The following EYA1 variants were observed in gnomAD, a reference collection of about 807,000 sequenced individuals.
EYA1 encodes protein phosphatase EYA1.
Under a neutral mutation model 82.0 loss-of-function variants are expected in EYA1, and 16 were observed. The ratio of observed to expected loss-of-function variants is 0.20; its 90% confidence interval spans 0.13 to 0.30. The LOEUF is 0.30. Among genes scored for constraint, EYA1 ranks in the 10% least tolerant of loss-of-function variants. EYA1 has a pLI of 1.00. For missense variants in EYA1, 633 were observed against 730.7 expected, an observed-to-expected ratio of 0.87 and a Z score of 1.54; for synonymous variants, 261 against 264.4, an observed-to-expected ratio of 0.99 and a Z score of 0.12.
chr8:71,307,688 C>T (rs893003687), intron 7 of EYA1, among the ~76,000 whole-genome samples: 9 of 152,070 alleles, frequency 5.9e-5, no homozygotes, highest in African/African-American at 2.2e-4. Context: ...GGATTTTTAC[C>T]TCATAAAATC....
intron 2 of EYA1, among the ~76,000 whole-genome samples, chr8:71,533,395 T>C (rs1458944271): frequency 6.6e-6 from 1 of 152,130 alleles, no homozygotes; most frequent in Non-Finnish European, 1.5e-5. Flanking sequence ...GCACAGGGAT[T>C]TACTCTAAAT....
intron 9 of EYA1, among the ~76,000 whole-genome samples, chr8:71,282,411 C>T (rs1355832117): frequency 6.6e-6 from 1 of 152,228 alleles, no homozygotes; most frequent in African/African-American, 2.4e-5. Context: ...ATCCCATTTT[C>T]TCTTGAACCC....
intron 4 of EYA1, among the ~76,000 whole-genome samples, chr8:71,327,801 C>T (rs887781643): frequency 7.3e-5 from 11 of 151,314 alleles, no homozygotes; most frequent in Non-Finnish European, 1.6e-4. Context: ...TTTATCCTCA[C>T]TGTCTATTTT....
chr8:71,356,711 TC>T, intron 1 of EYA1, 200 bp from the exon 2 acceptor site: 2 of 1,247,752 alleles, frequency 1.6e-6, no homozygotes, highest in Non-Finnish European at 2.0e-6. Flanking sequence ...TCTATCCTCC[TC>T]CTCCCCTTGT....
At chr8:71,457,485 A>T (rs950410670) in intron 2 of EYA1, among the ~76,000 whole-genome samples, 2 of 152,188 alleles carry the variant, frequency 1.3e-5, no homozygotes, top group African/African-American at 4.8e-5. Flanking sequence ...GGCACTTTTC[A>T]CAACAGCAAA....
At position 71,391,290 on chromosome 8, in the gene EYA1, T is replaced by G. The variant is rs527641540; in HGVS notation, c.34-34779A>C. 1.1e-4 allele frequency among the ~76,000 whole-genome samples: 16 copies of G among 152,282 alleles called. No homozygotes were observed. In the East Asian group the frequency reaches 2.7e-3, roughly 26 times the overall value. ...GAGCTACTGTACCCAGCCAAAAATT[T>G]TCTTCTTTTGTTAATAGCTTCCGTT... On this transcript the variant is annotated intron_variant, in intron 2 of 18. Transcript: ENST00000643681.
At chr8:71,507,605 C>A (rs1010091803) in intron 2 of EYA1, among the ~76,000 whole-genome samples, 1 of 152,122 alleles carries the variant, frequency 6.6e-6, no homozygotes, top group Non-Finnish European at 1.5e-5. Context: ...TCTGCAATAG[C>A]AAAAGATTGG....
intron 2 of EYA1, among the ~76,000 whole-genome samples, chr8:71,389,511 A>T (rs1829152010): frequency 6.6e-6 from 1 of 152,202 alleles, no homozygotes; most frequent in Non-Finnish European, 1.5e-5. Context: ...TGAGTTGGCA[A>T]AGCAGATTCT....
intron 2 of EYA1, among the ~76,000 whole-genome samples, chr8:71,472,749 G>A (rs1284730219): frequency 6.9e-6 from 1 of 144,048 alleles, no homozygotes; most frequent in Non-Finnish European, 1.5e-5. Context: ...TACCATGCAA[G>A]TATGTATTGA....
chr8:71,446,546 G>A (rs1302277914), intron 2 of EYA1, among the ~76,000 whole-genome samples: 1 of 152,066 alleles, frequency 6.6e-6, no homozygotes, highest in African/African-American at 2.4e-5. Flanking sequence ...CATAATATCC[G>A]TTACCTCAAG....
chr8:71,277,257 TCTCTCAAG>T (rs1466370411), intron 9 of EYA1, among the ~76,000 whole-genome samples: 2 of 150,524 alleles, frequency 1.3e-5, no homozygotes, highest in Admixed American at 6.7e-5. Flanking sequence ...GCAATATATA[TCTCTCAAG>T]CTCTCAAGCA....
In EYA1 at chr8:71,244,604, T is replaced by TCTA; in HGVS notation, c.1136_1138dup (p.Leu379_Glu380insVal). On this transcript the variant is annotated inframe_insertion and splice_region_variant, in exon 12 of 18. Coordinates refer to ENST00000340726, the MANE Select transcript of EYA1 (RefSeq NM_000503.6). ...TATGTATTAAAAATTAGAACTTACTTCTAAGTCATTAAAAAATAAATGTGT... is the reference window on the plus strand; with the variant it reads ...TATGTATTAAAAATTAGAACTTACTTCTACTAAGTCATTAAAAAATAAATGTGT... The TCTA allele has an allele frequency of 1.3e-6, 2 of 1,551,908 alleles. No individual in the cohort carries two copies. Among genetic ancestry groups the TCTA allele is most frequent in the Non-Finnish European group, 1.8e-6 (2 of 1,127,014 alleles).
In EYA1 at chr8:71,199,214, C is replaced by G; in HGVS notation, c.*126G>C. 1 of 721,010 alleles carries G rather than the reference C, an allele frequency of 1.4e-6. No individual in the cohort carries two copies. The highest frequency in any genetic ancestry group is 2.5e-6 in the Non-Finnish European group (1 of 403,474). The allele number at this position is 721,010 out of a possible 1,614,324, so 44.7% of individuals were successfully genotyped here. Reference sequence around the variant, plus strand: ...CCACAAAGGCAGAGGTCAAGACTGACAGCAACTGCGCATCACCAGGCGGAA... The same window carrying G: ...CCACAAAGGCAGAGGTCAAGACTGAGAGCAACTGCGCATCACCAGGCGGAA... On this transcript the variant is annotated 3_prime_UTR_variant, in exon 18 of 18. Coordinates refer to ENST00000340726, the MANE Select transcript of EYA1 (RefSeq NM_000503.6).
chr8:71,491,148 G>A (rs2129224621), intron 2 of EYA1, among the ~76,000 whole-genome samples: 1 of 152,266 alleles, frequency 6.6e-6, no homozygotes, highest in East Asian at 1.9e-4. Flanking sequence ...GCATCTGCAA[G>A]GCCATATGGC....
intron 12 of EYA1, among the ~76,000 whole-genome samples, chr8:71,223,301 G>C (rs533337983): frequency 6.6e-6 from 1 of 152,126 alleles, no homozygotes; most frequent in Non-Finnish European, 1.5e-5. Context: ...TTACCAGCCT[G>C]CAAACCTCTG....
intron 12 of EYA1, among the ~76,000 whole-genome samples, chr8:71,237,742 G>A (rs1329671844): frequency 1.3e-5 from 2 of 152,188 alleles, no homozygotes; most frequent in African/African-American, 2.4e-5. Flanking sequence ...GAAATTAGCA[G>A]TGAATATATT....
Position 71,492,111 on chromosome 8 carries a change from G to A in EYA1, c.33+43633C>T, listed in dbSNP as rs112487783. ...CGATGCCAGTCCATTAGCAGTGGCCGACTGACATCTCCTTTTAAAATGTAC... is the reference window on the plus strand; with the variant it reads ...CGATGCCAGTCCATTAGCAGTGGCCAACTGACATCTCCTTTTAAAATGTAC... On this transcript the variant is annotated intron_variant, in intron 2 of 18. Transcript: ENST00000643681. Among the ~76,000 whole-genome samples the A allele has an allele frequency of 3.5e-3, 533 of 152,236 alleles. 4 individuals are homozygous for A. The highest frequency in any genetic ancestry group is 0.012 in the African/African-American group (505 of 41,538).
In EYA1 at chr8:71,269,720, T is replaced by C; in HGVS notation, c.1050+20A>G. On this transcript the variant is annotated intron_variant, in intron 11 of 17. Transcript: ENST00000340726. ...TATTTACTCCAAAGAAATTAAAAAC[T>C]GATGCCTCTTGGTACTCACCCTCCC... 2 of 1,586,918 alleles carry C rather than the reference T, an allele frequency of 1.3e-6. No individual in the cohort carries two copies. The highest frequency in any genetic ancestry group is 1.3e-5 in the African/African-American group (1 of 74,518).
At chr8:71,275,806 C>T (rs1279195212) in intron 9 of EYA1, among the ~76,000 whole-genome samples, 1 of 152,230 alleles carries the variant, frequency 6.6e-6, no homozygotes, top group Non-Finnish European at 1.5e-5. Context: ...TAAACTGTTA[C>T]TGATGACCCT....
Sources: gnomAD v4.1 joint callset for allele counts (sites outside exome capture counted in the v4.1 genomes callset) on GRCh38, gnomAD v4.1.1 for gene constraint, MANE v1.5 for transcripts, NCBI Gene and HGNC (gene_info 2026-07-23, HGNC 2026-07-21) for gene names.